The following SNTG2 variants were observed in gnomAD, a reference collection of about 807,000 sequenced individuals.
SNTG2 encodes gamma-2-syntrophin.
SNTG2 carries 74 observed loss-of-function variants against 70.9 expected under a neutral mutation model. The ratio of observed to expected loss-of-function variants is 1.04; its 90% CI spans 0.86 to 1.27. The LOEUF (loss-of-function observed/expected upper bound fraction) is 1.27. Among genes scored for constraint, SNTG2 ranks in the 50% most tolerant of loss-of-function variants. The probability of loss-of-function intolerance (pLI) is 0.00; values close to 1 mark genes in which losing one functional copy is unlikely to be tolerated. For missense variants in SNTG2, 717 were observed against 690.7 expected, an observed-to-expected ratio of 1.04 and a Z score of -0.43; for synonymous variants, 278 against 273.8, an observed-to-expected ratio of 1.02 and a Z score of -0.15.
intron 1 of SNTG2, among the ~76,000 whole-genome samples, chr2:1,064,056 ATACT>A (rs1447330905): frequency 1.3e-5 from 2 of 152,222 alleles, no homozygotes; most frequent in Admixed American, 6.5e-5. Flanking sequence ...AAAAGATAAA[ATACT>A]TACGTAGAAA....
chr2:1,264,515 G>A (rs796542336), intron 13 of SNTG2, among the ~76,000 whole-genome samples: 6 of 152,330 alleles, frequency 3.9e-5, no homozygotes, highest in African/African-American at 9.6e-5. Flanking sequence ...CCCAAGAAGC[G>A]GGAATATCAC....
chr2:1,202,475 T>A (rs1278511774), intron 8 of SNTG2, among the ~76,000 whole-genome samples: 4 of 148,630 alleles, frequency 2.7e-5, no homozygotes, highest in East Asian at 3.9e-4. Context: ...GAAAAAAAAA[T>A]GATTTACCCT....
intron 1 of SNTG2, among the ~76,000 whole-genome samples, chr2:1,004,101 C>A (rs935269922): frequency 6.6e-6 from 1 of 152,144 alleles, no homozygotes; most frequent in African/African-American, 2.4e-5. Context: ...AACTGTGCAA[C>A]CTATTTGGTT....
intron 14 of SNTG2, among the ~76,000 whole-genome samples, chr2:1,272,698 AGCGGGTGC>A: frequency 8.9e-6 from 1 of 112,944 alleles, no homozygotes; most frequent in Non-Finnish European, 1.8e-5. Context: ...CACCCCAGGG[AGCGGGTGC>A]AGAAAGGACA....
rs544963421 is a variant in SNTG2 at position 1,360,668 on chromosome 2, C to G, written c.1489-6675C>G. Among the ~76,000 whole-genome samples the G allele has an allele frequency of 2.6e-5, 4 of 151,616 alleles. No individual in the cohort carries two copies. The East Asian group carries it at 7.8e-4, about 29-fold the overall frequency. ...CAAACAAACAAAAAAAAAGTCTGTC[C>G]CTAGGGGATTTTCTTTCCTTCTCAC... On this transcript the variant is annotated intron_variant, in intron 16 of 16. Coordinates refer to ENST00000308624, the MANE Select transcript of SNTG2 (RefSeq NM_018968.4).
chr2:1,052,925 G>A (rs899554754), intron 1 of SNTG2, among the ~76,000 whole-genome samples: 28 of 152,332 alleles, frequency 1.8e-4, no homozygotes, highest in Admixed American at 9.8e-4. Flanking sequence ...TTCAAAACAC[G>A]TTCCAGTTTC....
chr2:1,034,053 C>CA (rs35694048), intron 1 of SNTG2, among the ~76,000 whole-genome samples: 1 of 151,892 alleles, frequency 6.6e-6, no homozygotes, highest in Non-Finnish European at 1.5e-5. Flanking sequence ...ATTCATGTCA[C>CA]GGGTTTGTTG....
chr2:1,198,954 T>A (rs573719355), intron 8 of SNTG2, among the ~76,000 whole-genome samples: 3 of 151,998 alleles, frequency 2.0e-5, no homozygotes, highest in Non-Finnish European at 4.4e-5. Context: ...TTCAAACTTA[T>A]AAAGAAGAAC....
intron 12 of SNTG2, among the ~76,000 whole-genome samples, chr2:1,255,418 G>A (rs28450011): frequency 0.19 from 29,407 of 151,950 alleles, 3,675 homozygotes; most frequent in African/African-American, 0.34. Context: ...GAAAACACAG[G>A]CTGTGATATG....
chr2:1,147,275 A>T lies in SNTG2; in HGVS notation c.411+9466A>T, dbSNP rs28701475. ...TTGGATTGAAGGATGCAAATTATTG[A>T]TCCTCAGTGTGTCTGTGAGGGTGTT... is the stretch of plus-strand genomic sequence containing the variant. On this transcript the variant is annotated intron_variant, in intron 6 of 16. Transcript: ENST00000308624. 2.6e-3 allele frequency among the ~76,000 whole-genome samples: 399 copies of T among 152,228 alleles called. 9 individuals carry two copies. The South Asian group carries it at 0.04, about 15-fold the overall frequency.
chr2:1,079,391 G>A (rs578071169), intron 1 of SNTG2, among the ~76,000 whole-genome samples: 3 of 152,334 alleles, frequency 2.0e-5, no homozygotes, highest in Admixed American at 6.5e-5. Context: ...ATAGAAGAAA[G>A]GGATTAGCAT....
chr2:1,352,568 C>A (rs1330950872), intron 16 of SNTG2, among the ~76,000 whole-genome samples: 1 of 152,200 alleles, frequency 6.6e-6, no homozygotes. Context: ...CAACAGCCTC[C>A]CAGGAAATGC....
intron 2 of SNTG2, among the ~76,000 whole-genome samples, chr2:1,095,678 T>C (rs1261194790): frequency 6.6e-6 from 1 of 152,186 alleles, no homozygotes; most frequent in South Asian, 2.1e-4. Context: ...ATGTCATTCT[T>C]TGGCAGTCTA....
chr2:1,218,314 C>T (rs1208748647), intron 9 of SNTG2, among the ~76,000 whole-genome samples: 1 of 152,198 alleles, frequency 6.6e-6, no homozygotes, highest in Non-Finnish European at 1.5e-5. Context: ...CACAGAAACA[C>T]CTAGTTTCTG....
chr2:1,341,445 C>T lies in SNTG2; in HGVS notation c.1488+25070C>T, dbSNP rs889800958. On this transcript the variant is annotated intron_variant, in intron 16 of 16. Coordinates refer to ENST00000308624, the MANE Select transcript of SNTG2 (RefSeq NM_018968.4). ...AAGGAGGAGTGGGGTTGCTCAGTCC[C>T]ATGCTCCAGGGAGGGTATGTGGGAG... 7 of 152,192 alleles carry T rather than the reference C, an allele frequency of 4.6e-5. No homozygotes were observed. In the East Asian group the frequency reaches 5.8e-4, roughly 13 times the overall value. The allele number at this position is 152,192 out of a possible 1,614,324, so 9.4% of individuals were successfully genotyped here. A position where few individuals can be genotyped will look rare whatever the true frequency, so the allele number is the denominator to read the frequency against.
intron 14 of SNTG2, among the ~76,000 whole-genome samples, chr2:1,278,387 G>A (rs1385515573): frequency 1.3e-5 from 2 of 152,056 alleles, no homozygotes; most frequent in Non-Finnish European, 2.9e-5. Context: ...ACTGCACCAG[G>A]TTGCTGTTTA....
chr2:1,267,432 A>AG lies in SNTG2; in HGVS notation c.1147dup (p.Asp383GlyfsTer73). On this transcript the variant is annotated frameshift_variant, in exon 14 of 17. Coordinates refer to ENST00000308624, the MANE Select transcript of SNTG2 (RefSeq NM_018968.4). LOFTEE classifies it high-confidence loss of function. ...CTGGGTCTTCAAGATTTTGACTTTG[A>AG]GGACCAGAGGCCCTATTGCTTCAGC... 2 of 1,612,576 alleles carry AG rather than the reference A, an allele frequency of 1.2e-6. No homozygotes were observed. The highest frequency in any genetic ancestry group is 2.2e-5 in the South Asian group (2 of 90,608).
chr2:967,699 A>G (rs895291856), intron 1 of SNTG2, among the ~76,000 whole-genome samples: 3 of 152,162 alleles, frequency 2.0e-5, no homozygotes, highest in Admixed American at 2.0e-4. Flanking sequence ...GCGTCAGGGC[A>G]TTGGTGTAAT....
At chr2:1,162,527 T>C (rs12988033) in intron 6 of SNTG2, among the ~76,000 whole-genome samples, 147,324 of 152,166 alleles carry the variant, frequency 0.97, 71,477 homozygotes, top group East Asian at 1. Context: ...TTACAGTGGC[T>C]GTCACTTGCT....
Sources: gnomAD v4.1 joint callset for allele counts (sites outside exome capture counted in the v4.1 genomes callset) on GRCh38, gnomAD v4.1.1 for gene constraint, MANE v1.5 for transcripts, NCBI Gene and HGNC (gene_info 2026-07-23, HGNC 2026-07-21) for gene names.